Variants in SLC2A11 observed in about 807,000 individuals in gnomAD.
The protein encoded by SLC2A11 is solute carrier family 2 member 11.
Under a neutral mutation model 52.1 loss-of-function variants are expected in SLC2A11, and 43 were observed. The observed-to-expected ratio is 0.82, with a 90% CI of 0.65 to 1.06. The LOEUF is 1.06. Ranked by LOEUF, SLC2A11 falls within the 50% of genes least tolerant of loss-of-function variation. SLC2A11 has a pLI of 0.00. For synonymous variants in SLC2A11, 261 were observed against 277.6 expected, an observed-to-expected ratio of 0.94 and a Z score of 0.59; for missense variants, 582 against 654.2, an observed-to-expected ratio of 0.89 and a Z score of 1.20.
chr22:23,884,621 A>G lies in SLC2A11; in HGVS notation c.1300-28A>G. ...GTTTAGGGGTTGATGGAGACACACC[A>G]GGTCTTGGGGTCTTTTTTAATCCGC... is the stretch of plus-strand genomic sequence containing the variant. On this transcript the variant is annotated intron_variant, in intron 11 of 11. Coordinates refer to ENST00000316185, the MANE Select transcript of SLC2A11 (RefSeq NM_001024939.4). This position sits in a 1 kb window ranked among gnomAD's most constrained non-coding sequence, Gnocchi z 4.3. 1 of 1,599,580 alleles carries G rather than the reference A, an allele frequency of 6.3e-7. No individual in the cohort carries two copies. The highest frequency in any genetic ancestry group is 1.1e-5 in the South Asian group (1 of 88,978).
chr22:23,858,052 A>C, intron 1 of SLC2A11, 23 bp downstream of exon 1: 1 of 1,553,944 alleles, frequency 6.4e-7, no homozygotes, highest in Non-Finnish European at 8.7e-7. Flanking sequence ...ATACTTGCCC[A>C]GACCAGGCGT....
chr22:23,882,115 GAC>G (rs1245707407), intron 6 of SLC2A11: 1 of 370,182 alleles, frequency 2.7e-6, no homozygotes, highest in East Asian at 4.8e-5. Context: ...GATTGAGAAA[GAC>G]AGGCAGAGAG....
At chr22:23,865,508 C>T (rs2032231513) in intron 2 of SLC2A11, 1 of 152,290 alleles carries the variant, frequency 6.6e-6, no homozygotes, top group African/African-American at 2.4e-5. Context: ...GTTGTAGGGA[C>T]CGTGGCAATG....
In SLC2A11 at chr22:23,877,195, AT is replaced by A. The variant is rs1568993400; in HGVS notation, c.545+26del. The A allele has an allele frequency of 1.9e-6, 3 of 1,597,792 alleles. No homozygotes were observed. In the South Asian group the frequency reaches 3.4e-5, roughly 18 times the overall value. On this transcript the variant is annotated intron_variant, in intron 5 of 11. Transcript: ENST00000316185. ...AGGTAAGCACCCCTCCCCCACATGC[AT>A]TGAGTATTTCGGAGATACCAGTAAA... is the stretch of plus-strand genomic sequence containing the variant.
chr22:23,869,935 C>T, intron 3 of SLC2A11: 1 of 714,114 alleles, frequency 1.4e-6, no homozygotes. Flanking sequence ...GCCTAGTTCC[C>T]TCCAGCCCTT....
chr22:23,874,964 G>C, intron 3 of SLC2A11, 153 bp from the exon 4 acceptor site: 1 of 773,712 alleles, frequency 1.3e-6, no homozygotes, highest in Non-Finnish European at 1.8e-6. Flanking sequence ...TTGACAGCAA[G>C]GATACCAGGA....
chr22:23,857,908 C>T lies in SLC2A11; in HGVS notation c.-92C>T. On this transcript the variant is annotated 5_prime_UTR_variant, in exon 1 of 12. Transcript: ENST00000316185. ...CCACTGGGCGCTGCGCGCTGCCCTT[C>T]CCTCCGCGCACAGGCTGCCGGCTCA... The T allele has an allele frequency of 6.3e-7, 1 of 1,578,718 alleles. No homozygotes were observed. The highest frequency in any genetic ancestry group is 8.6e-7 in the Non-Finnish European group (1 of 1,163,340).
At position 23,884,446 on chromosome 22, in the gene SLC2A11, C is replaced by G. The variant is rs145943296; in HGVS notation, c.1299+17C>G. On this transcript the variant is annotated intron_variant, in intron 11 of 11. Transcript: ENST00000316185. The surrounding 1 kb of genome is among the most constrained non-coding windows in gnomAD (Gnocchi z 4.3). Reference sequence around the variant, plus strand: ...TTTATCATGGTAGGCCCGCCCCTCCCGCTGGGGGCCCTGCCTTAGGCTGTG... The same window carrying G: ...TTTATCATGGTAGGCCCGCCCCTCCGGCTGGGGGCCCTGCCTTAGGCTGTG... 6.1e-5 allele frequency: 99 copies of G among 1,610,016 alleles called. No individual in the cohort carries two copies. Among genetic ancestry groups the G allele is most frequent in the Admixed American group, 3.5e-4 (21 of 59,602 alleles).
At chr22:23,862,384 C>T in intron 2 of SLC2A11, 182 bp downstream of exon 2, 1 of 590,692 alleles carries the variant, frequency 1.7e-6, no homozygotes, top group Non-Finnish European at 3.0e-6. Flanking sequence ...CCCAAACCTG[C>T]ATGTCCTCCT....
At chr22:23,874,729 G>A (rs929427142) in intron 3 of SLC2A11, among the ~76,000 whole-genome samples, 12 of 152,090 alleles carry the variant, frequency 7.9e-5, no homozygotes, top group African/African-American at 2.4e-4. Context: ...TGGGATTACA[G>A]GCGTGAGCCA....
intron 4 of SLC2A11, among the ~76,000 whole-genome samples, chr22:23,875,622 C>T (rs989003541): frequency 3.3e-5 from 5 of 152,244 alleles, no homozygotes; most frequent in South Asian, 2.1e-4. Context: ...AGGTACTCCT[C>T]GATTTCTGGG....
chr22:23,879,857 C>T (rs183468204), intron 6 of SLC2A11: 10 of 152,506 alleles, frequency 6.6e-5, no homozygotes, highest in Admixed American at 5.9e-4. Context: ...TTGATTCCTT[C>T]TGAAGAGGGC....
At chr22:23,883,583 A>G (rs2032900825) in intron 8 of SLC2A11, 189 bp from the exon 9 acceptor site, 1 of 521,740 alleles carries the variant, frequency 1.9e-6, no homozygotes, top group African/African-American at 2.0e-5. Context: ...CCATTTTGAG[A>G]TGCGGAAACT....
In SLC2A11 at chr22:23,885,938, T is replaced by C. The variant is rs1129067; in HGVS notation, c.*1089T>C. 103,091 of 152,022 alleles carry C rather than the reference T, an allele frequency of 0.68. 35,061 individuals are homozygous for C. The highest frequency in any genetic ancestry group is 0.74 in the Admixed American group (11,369 of 15,268). 9.4% of individuals were successfully genotyped at this position (152,022 alleles called of 1,614,324 possible). On this transcript the variant is annotated 3_prime_UTR_variant, in exon 12 of 12. Transcript: ENST00000316185. ...TGTATACACTTGGGAAACACCACCG[T>C]GATCAAGATGGAACCTTTACCCTAC...
intron 1 of SLC2A11, among the ~76,000 whole-genome samples, chr22:23,858,740 C>T (rs935839570): frequency 3.9e-5 from 6 of 152,166 alleles, no homozygotes; most frequent in Admixed American, 2.0e-4. Context: ...AATAGCACCA[C>T]CTGGTCCAAA....
chr22:23,857,730 G>C, upstream of SLC2A11: 1 of 1,259,658 alleles, frequency 7.9e-7, no homozygotes, highest in Non-Finnish European at 1.1e-6. Context: ...CTGAGCTTGA[G>C]TCTCAGGCCT....
Position 23,884,190 on chromosome 22 carries a change from G to T in SLC2A11, c.1172-112G>T, listed in dbSNP as rs924366351. 1.3e-5 allele frequency: 19 copies of T among 1,487,844 alleles called. No individual in the cohort carries two copies. Among genetic ancestry groups the T allele is most frequent in the Non-Finnish European group, 1.4e-5 (16 of 1,119,496 alleles). 92.2% of individuals were successfully genotyped at this position (1,487,844 alleles called of 1,614,324 possible). A position where few individuals can be genotyped will look rare whatever the true frequency, so the allele number is the denominator to read the frequency against. On this transcript the variant is annotated intron_variant, in intron 10 of 11. Coordinates refer to ENST00000316185, the MANE Select transcript of SLC2A11 (RefSeq NM_001024939.4). This position sits in a 1 kb window ranked among gnomAD's most constrained non-coding sequence, Gnocchi z 4.3. ...AATGGCAGGAGGAGAGCACTGAGGGGCCCCCCATACAGACTGGGCCTGGGC... is the reference window on the plus strand; with the variant it reads ...AATGGCAGGAGGAGAGCACTGAGGGTCCCCCCATACAGACTGGGCCTGGGC...
upstream of SLC2A11, chr22:23,857,581 C>CT: frequency 6.9e-7 from 1 of 1,453,130 alleles, no homozygotes; most frequent in Admixed American, 1.8e-5. Flanking sequence ...CCCCAAACCC[C>CT]CCCCCCGCGG....
intron 3 of SLC2A11, chr22:23,871,607 TG>T: frequency 6.6e-6 from 1 of 150,384 alleles, no homozygotes; most frequent in African/African-American, 2.4e-5. Flanking sequence ...CCGGGCATGG[TG>T]GCGGGTGCCT....
Sources: allele counts gnomAD v4.1 joint callset (sites outside exome capture counted in the v4.1 genomes callset), GRCh38; gene constraint gnomAD v4.1.1; non-coding constraint Gnocchi (gnomAD v3.1); transcripts MANE v1.5; gene names NCBI Gene and HGNC (gene_info 2026-07-23, HGNC 2026-07-21).